Variants in PCDH19 observed in about 807,000 individuals in gnomAD.
The protein encoded by PCDH19 is protocadherin 19.
In PCDH19, 6 loss-of-function variants were observed where a neutral mutation model predicts 46.2. The observed-to-expected ratio is 0.13, with a 90% CI of 0.07 to 0.26. PCDH19 has a LOEUF of 0.26. Ranked by LOEUF, PCDH19 falls within the 10% of genes least tolerant of loss-of-function variation. The probability of loss-of-function intolerance (pLI) is 1.00; values close to 1 mark genes in which losing one functional copy is unlikely to be tolerated. For missense variants in PCDH19, 740 were observed against 972.3 expected, an observed-to-expected ratio of 0.76 and a Z score of 3.18; for synonymous variants, 481 against 415.7, an observed-to-expected ratio of 1.16 and a Z score of -1.91.
chrX:100,305,731 T>C (rs1372326243), intron 5 of PCDH19, among the ~76,000 whole-genome samples: 1 of 111,752 alleles, frequency 8.9e-6, no homozygotes, highest in African/African-American at 3.2e-5. Context: ...GAAAAAGATA[T>C]TCCATGCAAA....
At chrX:100,382,523 G>A (rs750668525) in intron 3 of PCDH19, among the ~76,000 whole-genome samples, 1 of 111,882 alleles carries the variant, frequency 8.9e-6, no homozygotes, top group South Asian at 3.8e-4. Flanking sequence ...AGAAAAGGCA[G>A]TGGCCCTGAA....
At chrX:100,322,866 T>TATATA (rs1491391280) in intron 5 of PCDH19, among the ~76,000 whole-genome samples, 6 of 36,858 alleles carry the variant, frequency 1.6e-4, no homozygotes, top group East Asian at 7.3e-4. Context: ...TATATATATA[T>TATATA]TTTTGCAGCT....
At chrX:100,350,959 C>G (rs1479868659) in intron 3 of PCDH19, among the ~76,000 whole-genome samples, 1 of 112,517 alleles carries the variant, frequency 8.9e-6, no homozygotes, top group Non-Finnish European at 1.9e-5. Context: ...GACCATGCAA[C>G]CACTTACTGA....
chrX:100,360,036 G>A (rs1441923985), intron 3 of PCDH19, among the ~76,000 whole-genome samples: 2 of 111,760 alleles, frequency 1.8e-5, no homozygotes, highest in Non-Finnish European at 3.8e-5. Context: ...CCTGCGGAGT[G>A]TGCAGAGTAC....
Position 100,408,846 on chromosome X carries a change from A to G in PCDH19, c.-249T>C, listed in dbSNP as rs866295830. 1.9e-4 allele frequency: 22 copies of G among 116,954 alleles called. No homozygotes were observed. The highest frequency in any genetic ancestry group is 1.1e-3 in the South Asian group (3 of 2,731). The allele number at this position is 116,954 out of a possible 1,213,427, so 9.6% of individuals were successfully genotyped here. On this transcript the variant is annotated 5_prime_UTR_variant, in exon 1 of 6. Transcript: ENST00000373034. ...CCCGGGGGCTCCGAGGGGCCAAGGGAGCGCCGCGCGGCCCCGAGCCCCCTC... is the reference window on the plus strand; with the variant it reads ...CCCGGGGGCTCCGAGGGGCCAAGGGGGCGCCGCGCGGCCCCGAGCCCCCTC...
intron 3 of PCDH19, among the ~76,000 whole-genome samples, chrX:100,365,703 C>T (rs1184884203): frequency 1.8e-5 from 2 of 111,358 alleles, no homozygotes; most frequent in African/African-American, 6.5e-5. Context: ...CTCTTGCACA[C>T]GCGCACACAC....
intron 3 of PCDH19, among the ~76,000 whole-genome samples, chrX:100,354,362 T>A (rs1444953480): frequency 8.9e-6 from 1 of 112,215 alleles, no homozygotes; most frequent in Non-Finnish European, 1.9e-5. Flanking sequence ...TCTCAGAATC[T>A]TCTTCTTGTA....
At chrX:100,341,475 C>T (rs2147484626) in intron 5 of PCDH19, among the ~76,000 whole-genome samples, 1 of 111,767 alleles carries the variant, frequency 8.9e-6, no homozygotes, top group South Asian at 3.8e-4. Flanking sequence ...CTGGGTAAAG[C>T]TAACCAGTCT....
rs752050414 is a variant in PCDH19 at position 100,309,543 on chromosome X, AT to A, written c.2849-12669del. 1.2e-4 allele frequency among the ~76,000 whole-genome samples: 13 copies of A among 112,029 alleles called. No homozygotes were observed. In the East Asian group the frequency reaches 3.7e-3, roughly 32 times the overall value. ...CAAAAACTATTAAAATAAAAAATAAATTTAAAAAAATGTTTAGAAGAGGCAC... is the reference window on the plus strand; with the variant it reads ...CAAAAACTATTAAAATAAAAAATAAATTAAAAAAATGTTTAGAAGAGGCAC... On this transcript the variant is annotated intron_variant, in intron 5 of 5. Coordinates refer to ENST00000373034, the MANE Select transcript of PCDH19 (RefSeq NM_001184880.2).
intron 3 of PCDH19, among the ~76,000 whole-genome samples, chrX:100,376,932 G>A (rs1036950385): frequency 1.8e-5 from 2 of 112,272 alleles, no homozygotes; most frequent in African/African-American, 6.5e-5. Flanking sequence ...GTTGCTTGTG[G>A]GAAACCATGA....
intron 5 of PCDH19, among the ~76,000 whole-genome samples, chrX:100,333,174 G>GAAGGGAGAGAGAGA (rs1167397761): frequency 3.5e-5 from 1 of 28,956 alleles, no homozygotes; most frequent in East Asian, 1.1e-3. Context: ...AGGAAGGAAG[G>GAAGGGAGAGAGAGA]GAGAGAGAGA....
chrX:100,374,313 G>A (rs961486591), intron 3 of PCDH19, among the ~76,000 whole-genome samples: 2 of 112,174 alleles, frequency 1.8e-5, no homozygotes, highest in African/African-American at 6.5e-5. Flanking sequence ...CTGGGCTTCT[G>A]TGATAATAAT....
At chrX:100,369,993 G>C (rs754795671) in intron 3 of PCDH19, among the ~76,000 whole-genome samples, 1 of 111,349 alleles carries the variant, frequency 9.0e-6, no homozygotes, top group East Asian at 2.8e-4. Flanking sequence ...CTTCCATTTC[G>C]GCATCACCAG....
chrX:100,311,316 T>G (rs1366044332), intron 5 of PCDH19, among the ~76,000 whole-genome samples: 3 of 111,204 alleles, frequency 2.7e-5, no homozygotes, highest in Non-Finnish European at 5.7e-5. Context: ...ATGGCACACA[T>G]AAGACTGACA....
chrX:100,311,913 C>G (rs1925142711), intron 5 of PCDH19, among the ~76,000 whole-genome samples: 1 of 111,049 alleles, frequency 9.0e-6, no homozygotes, highest in African/African-American at 3.3e-5. Flanking sequence ...GTACAGCAAA[C>G]AGCACAATCA....
At chrX:100,335,958 T>C (rs1233944388) in intron 5 of PCDH19, among the ~76,000 whole-genome samples, 3 of 112,227 alleles carry the variant, frequency 2.7e-5, no homozygotes, top group Non-Finnish European at 5.6e-5. Flanking sequence ...TTAAAGTCTC[T>C]ATATGAGCAA....
At chrX:100,372,263 C>T (rs917240223) in intron 3 of PCDH19, among the ~76,000 whole-genome samples, 1 of 111,535 alleles carries the variant, frequency 9.0e-6, no homozygotes, top group Non-Finnish European at 1.9e-5. Flanking sequence ...AAATGGGTCT[C>T]TGTGTGTCAG....
intron 5 of PCDH19, among the ~76,000 whole-genome samples, chrX:100,301,409 G>A (rs924913881): frequency 1.8e-5 from 2 of 112,119 alleles, no homozygotes; most frequent in Non-Finnish European, 3.8e-5. Flanking sequence ...CAAGGTTACA[G>A]TTACAAGAGC....
intron 3 of PCDH19, 144 bp downstream of exon 3, chrX:100,402,380 C>A (rs1199428303): frequency 9.2e-6 from 5 of 542,704 alleles, no homozygotes; most frequent in Middle Eastern, 5.2e-4. Context: ...TGATAGCAAA[C>A]CCTTAGTATG....
Sources: allele counts gnomAD v4.1 joint callset (sites outside exome capture counted in the v4.1 genomes callset), GRCh38; gene constraint gnomAD v4.1.1; transcripts MANE v1.5; gene names NCBI Gene and HGNC (gene_info 2026-07-23, HGNC 2026-07-21).